The following ADAMTS3 variants were observed in gnomAD, a reference collection of about 807,000 sequenced individuals.
ADAMTS3 encodes ADAM metallopeptidase with thrombospondin type 1 motif 3, also known as A disintegrin and metalloproteinase with thrombospondin motifs 3.
In ADAMTS3, 73 loss-of-function variants were observed where a neutral mutation model predicts 129.0. That is an observed-to-expected ratio of 0.57 (90% CI 0.47 to 0.69). ADAMTS3 has a LOEUF of 0.69. ADAMTS3 is among the 30% of genes least tolerant of loss of function. The probability of loss-of-function intolerance (pLI) is 0.00; values close to 1 mark genes in which losing one functional copy is unlikely to be tolerated. For missense variants in ADAMTS3, 1,457 were observed against 1,514.5 expected (o/e 0.96, Z 0.63); for synonymous variants, 477 against 510.8 (o/e 0.93, Z 0.89).
intron 9 of ADAMTS3, among the ~76,000 whole-genome samples, chr4:72,319,088 A>G (rs1284188097): frequency 1.3e-5 from 2 of 152,210 alleles, no homozygotes; most frequent in East Asian, 3.9e-4. Flanking sequence ...CAAAGATTCG[A>G]TAACAATTTA....
intron 3 of ADAMTS3, among the ~76,000 whole-genome samples, chr4:72,439,567 T>C (rs1718057628): frequency 6.6e-6 from 1 of 151,694 alleles, no homozygotes; most frequent in South Asian, 2.1e-4. Context: ...TTCCTAAGTT[T>C]CATTTTTGTT....
intron 3 of ADAMTS3, among the ~76,000 whole-genome samples, chr4:72,438,973 T>C (rs939125607): frequency 2.0e-5 from 3 of 151,764 alleles, no homozygotes; most frequent in Admixed American, 6.6e-5. Flanking sequence ...ACTGGCTACA[T>C]AGGTATCTAT....
At chr4:72,360,401 T>G (rs535105338) in intron 4 of ADAMTS3, among the ~76,000 whole-genome samples, 3 of 152,174 alleles carry the variant, frequency 2.0e-5, no homozygotes, top group Admixed American at 1.3e-4. Flanking sequence ...AAAATTTCTT[T>G]TTAGTGATTT....
rs1444151773 is a variant in ADAMTS3 at position 72,312,461 on chromosome 4, A to G, written c.1751T>C (p.Ile584Thr). 19 of 1,613,184 alleles carry G rather than the reference A, an allele frequency of 1.2e-5. No homozygotes were observed. The highest frequency in any genetic ancestry group is 1.6e-5 in the Non-Finnish European group (19 of 1,179,546). The part of the protein sequence containing the change: ...RTRQCNNPMP[I>T]NGGQDCPGVN... ...ACCAGGACAATCCTGACCACCATTG[A>G]TGGGCCTAAAGAAAAGACAACATTT... Residue 584 changes from isoleucine to threonine, a missense_variant, in exon 13 of 22, where the codon ATC becomes ACC. By Grantham distance (89) the Ile-to-Thr change is moderately conservative (BLOSUM62 -1). Coordinates refer to ENST00000286657, the MANE Select transcript of ADAMTS3 (RefSeq NM_014243.3).
At chr4:72,322,458 T>G (rs1467721813) in intron 6 of ADAMTS3, among the ~76,000 whole-genome samples, 4 of 152,200 alleles carry the variant, frequency 2.6e-5, no homozygotes, top group Non-Finnish European at 4.4e-5. Context: ...TTTATCCAAC[T>G]CTTTGCTTTT....
intron 3 of ADAMTS3, among the ~76,000 whole-genome samples, chr4:72,547,028 G>C (rs1391460294): frequency 6.6e-6 from 1 of 151,584 alleles, no homozygotes; most frequent in East Asian, 1.9e-4. Context: ...ACAGCAGAGG[G>C]AACCATGAGC....
intron 3 of ADAMTS3, among the ~76,000 whole-genome samples, chr4:72,481,695 T>C (rs1676731341): frequency 6.6e-6 from 1 of 151,962 alleles, no homozygotes; most frequent in Admixed American, 6.6e-5. Flanking sequence ...CCATCAAAAT[T>C]AAAAATTTTC....
At chr4:72,507,900 T>C (rs1720204945) in intron 3 of ADAMTS3, among the ~76,000 whole-genome samples, 1 of 152,192 alleles carries the variant, frequency 6.6e-6, no homozygotes, top group Non-Finnish European at 1.5e-5. Flanking sequence ...ACTTGCATAT[T>C]TAACGCCTTA....
chr4:72,507,379 G>A (rs896977615), intron 3 of ADAMTS3, among the ~76,000 whole-genome samples: 9 of 152,028 alleles, frequency 5.9e-5, no homozygotes, highest in Non-Finnish European at 1.0e-4. Flanking sequence ...ATCAGAATCT[G>A]ACTCCTGAGA....
At chr4:72,505,299 T>G (rs1407135915) in intron 3 of ADAMTS3, among the ~76,000 whole-genome samples, 1 of 152,200 alleles carries the variant, frequency 6.6e-6, no homozygotes, top group East Asian at 1.9e-4. Context: ...CCCTAGAGTG[T>G]GTGACTGAAG....
intron 16 of ADAMTS3, 79 bp downstream of exon 16, chr4:72,305,908 A>T: frequency 2.5e-6 from 3 of 1,177,460 alleles, no homozygotes; most frequent in Non-Finnish European, 2.5e-6. Context: ...ACATATATAC[A>T]TATCTATATT....
intron 4 of ADAMTS3, among the ~76,000 whole-genome samples, chr4:72,383,457 G>A (rs1721352822): frequency 6.6e-6 from 1 of 152,146 alleles, no homozygotes; most frequent in Non-Finnish European, 1.5e-5. Context: ...TACTGAGTTT[G>A]GGCATCACAT....
rs561140512 is a variant in ADAMTS3, at chr4:72,420,462, G to A, written c.505-5491C>T. Among the ~76,000 whole-genome samples the A allele has an allele frequency of 1.8e-4, 27 of 152,204 alleles. No homozygotes were observed. In the East Asian group the frequency reaches 4.5e-3, roughly 25 times the overall value. ...GTGTTGCTTCTCAAAGAGCATACAC[G>A]GACTACCCATCTGCTTCTCAACCCA... On this transcript the variant is annotated intron_variant, in intron 3 of 21. Transcript: ENST00000286657.
intron 4 of ADAMTS3, among the ~76,000 whole-genome samples, chr4:72,384,939 C>G (rs919254862): frequency 2.6e-5 from 4 of 152,168 alleles, no homozygotes; most frequent in African/African-American, 7.2e-5. Context: ...GAGGCCAAGG[C>G]GGGCGGATCA....
chr4:72,525,989 G>A (rs1460354629), intron 3 of ADAMTS3, among the ~76,000 whole-genome samples: 1 of 152,138 alleles, frequency 6.6e-6, no homozygotes, highest in Non-Finnish European at 1.5e-5. Flanking sequence ...GGCCAATGAG[G>A]TATCACAAAA....
rs545774637 is a variant in ADAMTS3 at position 72,358,342 on chromosome 4, A to G, written c.662-18649T>C. On this transcript the variant is annotated intron_variant, in intron 4 of 21. Coordinates refer to ENST00000286657, the MANE Select transcript of ADAMTS3 (RefSeq NM_014243.3). ...CTTTGCCTGCTACACTTTTGTGCATATAAGAACCACCTAATTCTCAGGGTC... is the reference window on the plus strand; with the variant it reads ...CTTTGCCTGCTACACTTTTGTGCATGTAAGAACCACCTAATTCTCAGGGTC... Among the ~76,000 whole-genome samples, 5 of 152,150 alleles carry G rather than the reference A, an allele frequency of 3.3e-5. No individual in the cohort carries two copies. In the East Asian group the frequency reaches 9.7e-4, roughly 29 times the overall value.
chr4:72,389,148 T>C (rs1206051377), intron 4 of ADAMTS3, among the ~76,000 whole-genome samples: 1 of 152,168 alleles, frequency 6.6e-6, no homozygotes, highest in Non-Finnish European at 1.5e-5. Flanking sequence ...CCCTTCTAAA[T>C]TCCAGTTTTT....
intron 5 of ADAMTS3, among the ~76,000 whole-genome samples, chr4:72,339,069 A>G (rs112320938): frequency 0.048 from 7,243 of 152,300 alleles, 562 homozygotes; most frequent in African/African-American, 0.16. Flanking sequence ...CCACAGAGTT[A>G]CCAGGCATAA....
At chr4:72,349,649 C>T (rs1456899174) in intron 4 of ADAMTS3, among the ~76,000 whole-genome samples, 1 of 151,824 alleles carries the variant, frequency 6.6e-6, no homozygotes, top group Admixed American at 6.6e-5. Context: ...AAAGGTAACA[C>T]TTAGACATTT....
Sources: gnomAD v4.1 joint callset for allele counts (sites outside exome capture counted in the v4.1 genomes callset) on GRCh38, gnomAD v4.1.1 for gene constraint, MANE v1.5 for transcripts, NCBI Gene and HGNC (gene_info 2026-07-23, HGNC 2026-07-21) for gene names.